Variants in ZNF613 observed in about 807,000 individuals in gnomAD.
ZNF613 encodes zinc finger protein 613.
In ZNF613, 8 loss-of-function variants were observed where a neutral mutation model predicts 14.3. The observed-to-expected ratio is 0.56, with a 90% CI of 0.33 to 1.01. ZNF613 has a LOEUF of 1.01. Ranked by LOEUF, ZNF613 falls within the 50% of genes least tolerant of loss-of-function variation. The pLI is 0.03. For synonymous variants in ZNF613, 228 were observed against 254.5 expected (o/e 0.90, Z 0.99); for missense variants, 656 against 741.9 (o/e 0.88, Z 1.35).
Position 51,936,111 on chromosome 19 carries a change from G to T in ZNF613, c.-110G>T, listed in dbSNP as rs1023339839. 2.6e-6 allele frequency: 3 copies of T among 1,150,674 alleles called. No individual in the cohort carries two copies. The highest frequency in any genetic ancestry group is 3.1e-5 in the African/African-American group (2 of 64,376). The allele number at this position is 1,150,674 out of a possible 1,614,324, so 71.3% of individuals were successfully genotyped here. A position where few individuals can be genotyped will look rare whatever the true frequency, so the allele number is the denominator to read the frequency against. The stretch of plus-strand genomic sequence containing the variant: ...GGACCTGGATACCATCCTTTGCAGG[G>T]ATGTAATTCACCAGAGACCAAGATT... On this transcript the variant is annotated 5_prime_UTR_variant, in exon 3 of 6. Transcript: ENST00000293471.
chr19:51,945,402 AC>A lies in ZNF613; in HGVS notation c.1520del (p.Thr507LysfsTer35). 3 of 1,613,766 alleles carry A rather than the reference AC, an allele frequency of 1.9e-6. No homozygotes were observed. The highest frequency in any genetic ancestry group is 2.5e-6 in the Non-Finnish European group (3 of 1,179,734). Reference protein sequence around the residue: ...SCLNRHRRTHTGERPYGCSDC... With the variant: ...SCLNRHRRTHXGERPYGCSDC... Reference sequence around the variant, plus strand: ...TCTCAACAGACATCGGAGAACTCATACAGGGGAGAGACCGTATGGATGCTCT... The same window carrying A: ...TCTCAACAGACATCGGAGAACTCATAAGGGGAGAGACCGTATGGATGCTCT... On this transcript the variant is annotated frameshift_variant, in exon 6 of 6. Coordinates refer to ENST00000293471, the MANE Select transcript of ZNF613 (RefSeq NM_001031721.4). LOFTEE classifies it low-confidence loss of function (END_TRUNC).
intron 3 of ZNF613, among the ~76,000 whole-genome samples, chr19:51,938,677 C>T (rs571101522): frequency 6.7e-6 from 1 of 149,854 alleles, no homozygotes; most frequent in African/African-American, 2.5e-5. Context: ...AGTTCTTACA[C>T]CCTCATCCTT....
Position 51,945,180 on chromosome 19 carries a change from T to C in ZNF613, c.1297T>C (p.Cys433Arg). The change falls in exon 6 of 6, where the codon TGT becomes CGT. Residue 433 changes from cysteine to arginine, a missense_variant. Physicochemically the swap from Cys to Arg is radical, Grantham distance 180 (BLOSUM62 -3). Transcript: ENST00000293471. ...AGAGAAACCCTATGTATGCAATGAA[T>C]GTGGGAAAGGCTTCAGCCAGAAGAC... is the stretch of plus-strand genomic sequence containing the variant. ...TGEKPYVCNE[C>R]GKGFSQKTCL... is the part of the protein sequence containing the mutation. The C allele has an allele frequency of 1.9e-6, 3 of 1,614,156 alleles. No individual in the cohort carries two copies. Among genetic ancestry groups the C allele is most frequent in the Non-Finnish European group, 2.5e-6 (3 of 1,180,018 alleles).
In ZNF613 at chr19:51,944,416, TC is replaced by T. The variant is rs1568467333; in HGVS notation, c.537del (p.Glu180LysfsTer6). The T allele has an allele frequency of 6.2e-7, 1 of 1,607,474 alleles. No individual in the cohort carries two copies. The highest frequency in any genetic ancestry group is 2.2e-5 in the East Asian group (1 of 44,712). ...KHEQFHNEMN[F>X]PEGGNSVNTN... ...GAACAATTTCATAATGAAATGAACT[TC>T]CCCGAAGGTGGAAATTCTGTGAATA... On this transcript the variant is annotated frameshift_variant, in exon 6 of 6. Coordinates refer to ENST00000293471, the MANE Select transcript of ZNF613 (RefSeq NM_001031721.4). LOFTEE classifies it low-confidence loss of function (END_TRUNC).
At chr19:51,943,249 A>G (rs975838707) in intron 5 of ZNF613, among the ~76,000 whole-genome samples, 1 of 152,198 alleles carries the variant, frequency 6.6e-6, no homozygotes, top group African/African-American at 2.4e-5. Context: ...GTCCCCTGTT[A>G]TCCACAGTTT....
intron 1 of ZNF613, chr19:51,928,039 C>CTA (rs2085230544): frequency 1.9e-5 from 2 of 105,884 alleles, no homozygotes; most frequent in African/African-American, 1.2e-4. Flanking sequence ...TCTATCTAAT[C>CTA]TGTCTAATCT....
chr19:51,934,645 AG>A (rs1336091533), intron 2 of ZNF613, among the ~76,000 whole-genome samples: 3 of 152,178 alleles, frequency 2.0e-5, no homozygotes, highest in Non-Finnish European at 2.9e-5. Context: ...TACATACATG[AG>A]TTTTCAGGAA....
chr19:51,933,557 C>T (rs765578508), intron 2 of ZNF613, among the ~76,000 whole-genome samples: 30 of 152,294 alleles, frequency 2.0e-4, no homozygotes, highest in Admixed American at 4.6e-4. Flanking sequence ...GATCCTCCCA[C>T]CTCAGCCTCC....
chr19:51,929,791 C>G lies in ZNF613; in HGVS notation c.-299C>G, dbSNP rs1236076334. 2 of 152,180 alleles carry G rather than the reference C, an allele frequency of 1.3e-5. No individual in the cohort carries two copies. The highest frequency in any genetic ancestry group is 1.9e-4 in the East Asian group (1 of 5,196). 9.4% of individuals were successfully genotyped at this position (152,180 alleles called of 1,614,324 possible). On this transcript the variant is annotated 5_prime_UTR_variant, in exon 2 of 6. Transcript: ENST00000293471. ...TGAACTCCTGACCTCAAGTGATCCT[C>G]TCTCCTTGGCCTCCTAAAGTGCTGG...
At position 51,944,929 on chromosome 19, in the gene ZNF613, G is replaced by A. The variant is rs949651206; in HGVS notation, c.1046G>A (p.Cys349Tyr). ...TGEKPYECTE[C>Y]DKAFRWKSQL... ...GAGAAACCCTATGAATGCACTGAAT[G>A]TGACAAAGCATTCCGCTGGAAATCA... Residue 349 changes from cysteine to tyrosine, a missense_variant, in exon 6 of 6, where the codon TGT becomes TAT. Coordinates refer to ENST00000293471, the MANE Select transcript of ZNF613 (RefSeq NM_001031721.4). 1.9e-6 allele frequency: 3 copies of A among 1,613,892 alleles called. No individual in the cohort carries two copies. Among genetic ancestry groups the A allele is most frequent in the Admixed American group, 1.7e-5 (1 of 59,970 alleles).
At chr19:51,935,573 C>A (rs1276792546) in intron 2 of ZNF613, among the ~76,000 whole-genome samples, 1 of 152,136 alleles carries the variant, frequency 6.6e-6, no homozygotes, top group African/African-American at 2.4e-5. Flanking sequence ...TACAACAACC[C>A]CTCTGCTTGG....
chr19:51,942,120 T>C (rs931027834), intron 5 of ZNF613, among the ~76,000 whole-genome samples: 13 of 152,250 alleles, frequency 8.5e-5, no homozygotes, highest in Admixed American at 2.6e-4. Flanking sequence ...TCATCTTGCC[T>C]ACACAGAGTT....
chr19:51,941,671 T>C (rs12984081), intron 5 of ZNF613, among the ~76,000 whole-genome samples: 21,188 of 152,248 alleles, frequency 0.14, 1,966 homozygotes, highest in East Asian at 0.45. Flanking sequence ...TCTTGTTCTC[T>C]ATGGAGATTC....
In ZNF613 at chr19:51,944,825, A is replaced by G; in HGVS notation, c.942A>G (p.Lys314=). The change falls in exon 6 of 6, where the codon AAA becomes AAG. Residue 314 remains lysine (K), a synonymous_variant. Coordinates refer to ENST00000293471, the MANE Select transcript of ZNF613 (RefSeq NM_001031721.4). ...ATCAGAGAGTTCATACAGGAGAGAA[A>G]CCACATGGATGCAGCCTGTGTGGGA... ...INHQRVHTGE[K]PHGCSLCGKA... The G allele has an allele frequency of 6.2e-7, 1 of 1,613,628 alleles. No homozygotes were observed. Among genetic ancestry groups the G allele is most frequent in the Non-Finnish European group, 8.5e-7 (1 of 1,179,960 alleles).
In ZNF613 at chr19:51,945,167, T is replaced by A. The variant is rs1301953518; in HGVS notation, c.1284T>A (p.Tyr428Ter). The A allele has an allele frequency of 6.2e-7, 1 of 1,614,208 alleles. No individual in the cohort carries two copies. The highest frequency in any genetic ancestry group is 2.2e-5 in the East Asian group (1 of 44,894). ...HRRTHTGEKP[Y>*]VCNECGKGFS... Reference sequence around the variant, plus strand: ...GTACTCACACTGGAGAGAAACCCTATGTATGCAATGAATGTGGGAAAGGCT... The same window carrying A: ...GTACTCACACTGGAGAGAAACCCTAAGTATGCAATGAATGTGGGAAAGGCT... Residue 428 changes from tyrosine to a stop codon, truncating the protein, a stop_gained, in exon 6 of 6, where the codon TAT becomes TAA. Transcript: ENST00000293471. LOFTEE classifies it low-confidence loss of function (END_TRUNC).
At chr19:51,935,520 C>A (rs2085299386) in intron 2 of ZNF613, among the ~76,000 whole-genome samples, 1 of 152,160 alleles carries the variant, frequency 6.6e-6, no homozygotes, top group Non-Finnish European at 1.5e-5. Context: ...ATGATTGATA[C>A]TTTATAAGGA....
intron 3 of ZNF613, among the ~76,000 whole-genome samples, chr19:51,937,376 A>G (rs540812454): frequency 1.3e-5 from 2 of 152,256 alleles, no homozygotes; most frequent in Admixed American, 1.3e-4. Context: ...TAATCGTTGG[A>G]CACCTATTGG....
chr19:51,931,916 A>G (rs565953346), intron 2 of ZNF613, among the ~76,000 whole-genome samples: 1 of 152,348 alleles, frequency 6.6e-6, no homozygotes, highest in Admixed American at 6.5e-5. Context: ...AGACAAAAAC[A>G]AAAGAGTATA....
intron 2 of ZNF613, among the ~76,000 whole-genome samples, chr19:51,933,098 C>G (rs1308218474): frequency 6.6e-6 from 1 of 152,230 alleles, no homozygotes; most frequent in East Asian, 1.9e-4. Context: ...CCTGCTTGCA[C>G]TGAACCTGTA....
Sources: gnomAD v4.1 joint callset for allele counts (sites outside exome capture counted in the v4.1 genomes callset) on GRCh38, gnomAD v4.1.1 for gene constraint, MANE v1.5 for transcripts, NCBI Gene and HGNC (gene_info 2026-07-23, HGNC 2026-07-21) for gene names.